The following FAM13A variants were observed in gnomAD, a reference collection of about 807,000 sequenced individuals.
FAM13A encodes the protein protein FAM13A.
A neutral mutation model predicts 129.6 loss-of-function variants in FAM13A; 76 were observed. The ratio of observed to expected loss-of-function variants is 0.59; its 90% CI spans 0.49 to 0.71. FAM13A has a LOEUF of 0.71. FAM13A is among the 30% of genes least tolerant of loss of function. The pLI, the probability that FAM13A is intolerant of heterozygous loss-of-function variation, is 0.00. For missense variants in FAM13A, 1,108 were observed against 1,249.3 expected (o/e 0.89, Z 1.70); for synonymous variants, 443 against 449.9 (o/e 0.98, Z 0.20).
intron 6 of FAM13A, among the ~76,000 whole-genome samples, chr4:88,895,645 T>C (rs1489595499): frequency 7.1e-6 from 1 of 139,926 alleles, no homozygotes; most frequent in Non-Finnish European, 1.5e-5. Flanking sequence ...AAGACATTTA[T>C]GCAGCCAAAA....
chr4:88,993,699 G>T (rs1259539633), intron 3 of FAM13A, among the ~76,000 whole-genome samples: 3 of 152,144 alleles, frequency 2.0e-5, no homozygotes, highest in Admixed American at 2.0e-4. Context: ...TTAGCAAAAT[G>T]ACATAAAATC....
chr4:89,029,919 T>C (rs1768469824), intron 1 of FAM13A: 1 of 401,866 alleles, frequency 2.5e-6, no homozygotes, highest in Admixed American at 5.0e-5. Context: ...TAAGATATAT[T>C]ACTACAGTAA....
At chr4:88,836,269 A>G (rs1734788672) in intron 7 of FAM13A, among the ~76,000 whole-genome samples, 1 of 152,198 alleles carries the variant, frequency 6.6e-6, no homozygotes, top group South Asian at 2.1e-4. Flanking sequence ...AGATTATGCA[A>G]TATGTATTGT....
At position 88,793,761 on chromosome 4, in the gene FAM13A, C is replaced by T. The variant is rs561122823; in HGVS notation, c.1050-3134G>A. ...GTTCAGGCTTACTGCCTAAAGTTTA[C>T]ATGATTACAAAAGGTTATGACTGCA... On this transcript the variant is annotated intron_variant, in intron 8 of 23. Transcript: ENST00000264344. Among the ~76,000 whole-genome samples the T allele has an allele frequency of 2.3e-3, 344 of 152,084 alleles. 1 individual carries two copies. The highest frequency in any genetic ancestry group is 6.0e-3 in the South Asian group (29 of 4,826).
chr4:88,785,583 G>T (rs964639385), intron 10 of FAM13A, among the ~76,000 whole-genome samples: 1 of 152,012 alleles, frequency 6.6e-6, no homozygotes, highest in African/African-American at 2.4e-5. Context: ...AAAGAGTGGA[G>T]CTGGGAAGAA....
At chr4:89,044,295 T>C (rs1770553859) in intron 1 of FAM13A, among the ~76,000 whole-genome samples, 1 of 152,148 alleles carries the variant, frequency 6.6e-6, no homozygotes, top group Non-Finnish European at 1.5e-5. Context: ...AAATAAGACA[T>C]AATGTGGCTA....
intron 7 of FAM13A, among the ~76,000 whole-genome samples, chr4:88,834,891 G>C (rs1459493808): frequency 1.3e-5 from 2 of 151,958 alleles, no homozygotes; most frequent in African/African-American, 4.8e-5. Context: ...TACCACCACT[G>C]TTCTCTTCCA....
At chr4:88,730,453 C>T (rs757831719) in intron 23 of FAM13A, among the ~76,000 whole-genome samples, 3 of 152,150 alleles carry the variant, frequency 2.0e-5, no homozygotes, top group Non-Finnish European at 2.9e-5. Context: ...AGTGCAGTGG[C>T]GTGATCTCGG....
At chr4:88,928,568 A>G (rs1410515068) in intron 5 of FAM13A, among the ~76,000 whole-genome samples, 2 of 151,946 alleles carry the variant, frequency 1.3e-5, no homozygotes, top group Non-Finnish European at 2.9e-5. Flanking sequence ...TTTGTCTTTT[A>G]TTACTGTTTT....
chr4:88,736,003 G>A (rs992422956), intron 21 of FAM13A, among the ~76,000 whole-genome samples: 5 of 151,846 alleles, frequency 3.3e-5, no homozygotes, highest in Non-Finnish European at 5.9e-5. Context: ...ATCTAGTAAC[G>A]GTTCTATTGC....
At chr4:88,786,027 T>C (rs1021934878) in intron 10 of FAM13A, among the ~76,000 whole-genome samples, 1 of 152,182 alleles carries the variant, frequency 6.6e-6, no homozygotes, top group Admixed American at 6.5e-5. Flanking sequence ...TTGGTTCTCC[T>C]AATACTGCTA....
chr4:88,760,497 G>T lies in FAM13A; in HGVS notation c.1579-1596C>A, dbSNP rs535136260. On this transcript the variant is annotated intron_variant, in intron 13 of 23. Coordinates refer to ENST00000264344, the MANE Select transcript of FAM13A (RefSeq NM_014883.4). ...CGGGCGCCTGTGGTCCCGGCTACTC[G>T]GGAGGCTGAGGCAGGAGAATGGCGT... is the stretch of plus-strand genomic sequence containing the variant. Among the ~76,000 whole-genome samples, 2 of 75,074 alleles carry T rather than the reference G, an allele frequency of 2.7e-5. 1 individual carries two copies. The highest frequency in any genetic ancestry group is 7.6e-5 in the Non-Finnish European group (2 of 26,212). The allele number at this position is 75,074 out of a possible 152,430, so 49.3% of individuals were successfully genotyped here. A position where few individuals can be genotyped will look rare whatever the true frequency, so the allele number is the denominator to read the frequency against.
chr4:88,909,948 G>A (rs1356576355), intron 5 of FAM13A, among the ~76,000 whole-genome samples: 8 of 152,160 alleles, frequency 5.3e-5, no homozygotes, highest in Admixed American at 2.0e-4. Context: ...TGTAAAGAAC[G>A]TTCCCACATT....
rs543049901 is a variant in FAM13A at position 89,055,591 on chromosome 4, A to G, written c.27+1347T>C. On this transcript the variant is annotated intron_variant, in intron 1 of 23. Coordinates refer to ENST00000264344, the MANE Select transcript of FAM13A (RefSeq NM_014883.4). ...TCAGAGATGACTACCAATCTTCATGACCTATCTGCTGCCTCATTCTACACA... is the reference window on the plus strand; with the variant it reads ...TCAGAGATGACTACCAATCTTCATGGCCTATCTGCTGCCTCATTCTACACA... Among the ~76,000 whole-genome samples, 11 of 152,236 alleles carry G rather than the reference A, an allele frequency of 7.2e-5. No homozygotes were observed. In the East Asian group the frequency reaches 2.1e-3, roughly 29 times the overall value.
chr4:88,943,033 G>A lies in FAM13A; in HGVS notation c.606-4792C>T, dbSNP rs12509426. ...TGATTACTTAGGAAAACTTAATCTC[G>A]TCTGTACTAAAAGAGTTAAGGTTTT... On this transcript the variant is annotated intron_variant, in intron 4 of 23. Coordinates refer to ENST00000264344, the MANE Select transcript of FAM13A (RefSeq NM_014883.4). 0.02 allele frequency among the ~76,000 whole-genome samples: 3,046 copies of A among 152,170 alleles called. 259 individuals are homozygous for A. The East Asian group carries it at 0.26, about 13-fold the overall frequency.
intron 5 of FAM13A, among the ~76,000 whole-genome samples, chr4:88,914,199 C>T (rs1456690408): frequency 6.6e-6 from 1 of 152,156 alleles, no homozygotes; most frequent in East Asian, 1.9e-4. Context: ...TCCCTATGTG[C>T]ACAGTCACCC....
In FAM13A at chr4:88,929,002, G is replaced by A. The variant is rs192691576; in HGVS notation, c.759+9086C>T. Among the ~76,000 whole-genome samples, 328 of 152,174 alleles carry A rather than the reference G, an allele frequency of 2.2e-3. 2 individuals carry two copies. The highest frequency in any genetic ancestry group is 7.3e-3 in the African/African-American group (305 of 41,534). On this transcript the variant is annotated intron_variant, in intron 5 of 23. Coordinates refer to ENST00000264344, the MANE Select transcript of FAM13A (RefSeq NM_014883.4). ...AACTCTGAGTTTCATATTTCCAGGT[G>A]TTTTCATGATGGTGAATATTAACTT... is the stretch of plus-strand genomic sequence containing the variant.
At chr4:88,748,807 G>C in intron 17 of FAM13A, 145 bp downstream of exon 17, 2 of 705,324 alleles carry the variant, frequency 2.8e-6, no homozygotes, top group South Asian at 3.2e-5. Flanking sequence ...ACCTGGGGAA[G>C]TGGTCACTCT....
chr4:88,779,695 C>A (rs1003613324), intron 11 of FAM13A, among the ~76,000 whole-genome samples: 1 of 152,166 alleles, frequency 6.6e-6, no homozygotes, highest in African/African-American at 2.4e-5. Context: ...GATCTTCCAT[C>A]CCAGTGTTTT....
Sources: allele counts gnomAD v4.1 joint callset (sites outside exome capture counted in the v4.1 genomes callset), GRCh38; gene constraint gnomAD v4.1.1; transcripts MANE v1.5; gene names NCBI Gene and HGNC (gene_info 2026-07-23, HGNC 2026-07-21).